The following GTF2F2 variants were observed in gnomAD, a reference collection of about 807,000 sequenced individuals.
The protein encoded by GTF2F2 is general transcription factor IIF subunit 2.
A neutral mutation model predicts 42.2 loss-of-function variants in GTF2F2; 23 were observed. That is an observed-to-expected ratio of 0.55 (90% confidence interval 0.39 to 0.77). GTF2F2 has a LOEUF of 0.77. Among genes scored for constraint, GTF2F2 ranks in the 30% least tolerant of loss-of-function variants. The pLI is 0.00. For missense variants in GTF2F2, 261 were observed against 287.2 expected, an observed-to-expected ratio of 0.91 and a Z score of 0.66; for synonymous variants, 105 against 100.8, an observed-to-expected ratio of 1.04 and a Z score of -0.25.
chr13:45,208,983 C>A (rs1386430502), intron 5 of GTF2F2, among the ~76,000 whole-genome samples: 1 of 152,206 alleles, frequency 6.6e-6, no homozygotes, highest in Non-Finnish European at 1.5e-5. Context: ...AATGCAAAAT[C>A]TGGTTACCAA....
intron 5 of GTF2F2, among the ~76,000 whole-genome samples, chr13:45,208,953 A>G (rs1230266218): frequency 6.6e-6 from 1 of 152,216 alleles, no homozygotes; most frequent in Non-Finnish European, 1.5e-5. Context: ...ATCTCTTCAT[A>G]TAACTACTGA....
intron 4 of GTF2F2, among the ~76,000 whole-genome samples, chr13:45,179,394 A>G (rs1593474065): frequency 1.3e-5 from 2 of 152,208 alleles, no homozygotes; most frequent in African/African-American, 4.8e-5. Context: ...GAGAGTAAAA[A>G]GGAGCACTAT....
At chr13:45,219,952 A>C (rs1264799016) in intron 5 of GTF2F2, among the ~76,000 whole-genome samples, 1 of 152,338 alleles carries the variant, frequency 6.6e-6, no homozygotes, top group South Asian at 2.1e-4. Flanking sequence ...GATGACATAT[A>C]TGGGCGTGGT....
At chr13:45,212,244 G>T (rs542986240) in intron 5 of GTF2F2, among the ~76,000 whole-genome samples, 22 of 152,106 alleles carry the variant, frequency 1.4e-4, no homozygotes, top group Non-Finnish European at 2.4e-4. Flanking sequence ...ATAGTTTTTA[G>T]TCATATTCAA....
intron 4 of GTF2F2, among the ~76,000 whole-genome samples, chr13:45,177,954 G>A (rs1871964825): frequency 6.6e-6 from 1 of 152,044 alleles, no homozygotes; most frequent in African/African-American, 2.4e-5. Flanking sequence ...TATTTCCTGT[G>A]AGTATATACA....
At chr13:45,265,815 G>T (rs973210320) in intron 6 of GTF2F2, among the ~76,000 whole-genome samples, 2 of 152,128 alleles carry the variant, frequency 1.3e-5, no homozygotes, top group African/African-American at 4.8e-5. Context: ...GTTTTTAAAT[G>T]TATCCCATTG....
At chr13:45,120,896 GT>G (rs1419368462) in intron 1 of GTF2F2, among the ~76,000 whole-genome samples, 175 bp downstream of exon 1, 1 of 152,192 alleles carries the variant, frequency 6.6e-6, no homozygotes, top group African/African-American at 2.4e-5. Context: ...CGAGGAATTA[GT>G]TTAGGGACGC....
At chr13:45,186,076 A>G (rs1173881971) in intron 4 of GTF2F2, among the ~76,000 whole-genome samples, 2 of 151,762 alleles carry the variant, frequency 1.3e-5, no homozygotes, top group South Asian at 2.1e-4. Flanking sequence ...CTGGGTTCAA[A>G]CGATTCTTGT....
At chr13:45,237,816 C>T (rs184290600) in intron 5 of GTF2F2, among the ~76,000 whole-genome samples, 61 of 152,310 alleles carry the variant, frequency 4.0e-4, no homozygotes, top group Middle Eastern at 3.4e-3. Context: ...AAAGATACTT[C>T]ATTTTTGCTC....
At position 45,120,510 on chromosome 13, in the gene GTF2F2, C is replaced by A; in HGVS notation, c.-146C>A. ...CTCCTGGCGGCGTGTTCCTCTTTTCCTCGGTTCCCAGTGTTCTGGCAGGTA... is the reference window on the plus strand; with the variant it reads ...CTCCTGGCGGCGTGTTCCTCTTTTCATCGGTTCCCAGTGTTCTGGCAGGTA... On this transcript the variant is annotated 5_prime_UTR_variant, in exon 1 of 8. Coordinates refer to ENST00000340473, the MANE Select transcript of GTF2F2 (RefSeq NM_004128.3). The A allele has an allele frequency of 1.6e-6, 1 of 624,244 alleles. No individual in the cohort carries two copies. The highest frequency in any genetic ancestry group is 2.9e-6 in the Non-Finnish European group (1 of 347,742). 38.7% of individuals were successfully genotyped at this position (624,244 alleles called of 1,614,324 possible). A position where few individuals can be genotyped will look rare whatever the true frequency, so the allele number is the denominator to read the frequency against.
At chr13:45,184,965 C>T (rs528100585) in intron 4 of GTF2F2, among the ~76,000 whole-genome samples, 5 of 152,226 alleles carry the variant, frequency 3.3e-5, no homozygotes, top group East Asian at 3.9e-4. Context: ...GTGTGGGCCA[C>T]CACGCCCAAC....
At chr13:45,258,792 C>T (rs978783596) in intron 6 of GTF2F2, among the ~76,000 whole-genome samples, 3 of 151,978 alleles carry the variant, frequency 2.0e-5, no homozygotes, top group Admixed American at 6.6e-5. Flanking sequence ...TACAGTAGTA[C>T]GTTTGTCCAG....
chr13:45,207,503 A>G lies in GTF2F2; in HGVS notation c.384A>G (p.Lys128=). 1 of 1,598,500 alleles carries G rather than the reference A, an allele frequency of 6.3e-7. No homozygotes were observed. Among genetic ancestry groups the G allele is most frequent in the Non-Finnish European group, 8.6e-7 (1 of 1,165,900 alleles). The change falls in exon 5 of 8, where the codon AAA becomes AAG. Residue 128 remains lysine, a splice_region_variant and synonymous_variant. Coordinates refer to ENST00000340473, the MANE Select transcript of GTF2F2 (RefSeq NM_004128.3). ...CCAGTGAAAACTACATGCGATTAAAAAGGTTGGTGTTTTGTAACTCCAGAA... is the reference window on the plus strand; with the variant it reads ...CCAGTGAAAACTACATGCGATTAAAGAGGTTGGTGTTTTGTAACTCCAGAA... ...PAASENYMRL[K]RLQIEESSKP...
At chr13:45,199,047 A>G (rs965206096) in intron 4 of GTF2F2, among the ~76,000 whole-genome samples, 2 of 152,218 alleles carry the variant, frequency 1.3e-5, no homozygotes, top group Admixed American at 6.5e-5. Context: ...CAAAAGTACT[A>G]TGGCAGCCAC....
intron 5 of GTF2F2, among the ~76,000 whole-genome samples, chr13:45,237,966 G>C (rs1279637697): frequency 6.6e-6 from 1 of 151,880 alleles, no homozygotes; most frequent in Non-Finnish European, 1.5e-5. Flanking sequence ...TTGTTTGTTT[G>C]TTTTTGAGAT....
At chr13:45,122,183 C>T (rs1003414472) in intron 1 of GTF2F2, among the ~76,000 whole-genome samples, 4 of 151,968 alleles carry the variant, frequency 2.6e-5, no homozygotes, top group African/African-American at 7.2e-5. Context: ...TATCATGAAA[C>T]GGAGATATTC....
intron 5 of GTF2F2, among the ~76,000 whole-genome samples, chr13:45,243,997 C>A (rs75241316): frequency 6.6e-6 from 1 of 152,330 alleles, no homozygotes; most frequent in East Asian, 1.9e-4. Context: ...TTTCTATCCA[C>A]AGTTGGTTGA....
chr13:45,166,340 T>A (rs1468962955), intron 4 of GTF2F2, among the ~76,000 whole-genome samples: 1 of 152,210 alleles, frequency 6.6e-6, no homozygotes, highest in African/African-American at 2.4e-5. Context: ...GGATTGCAGT[T>A]ATATAGGTTA....
At chr13:45,181,261 C>T (rs1566125609) in intron 4 of GTF2F2, among the ~76,000 whole-genome samples, 1 of 151,560 alleles carries the variant, frequency 6.6e-6, no homozygotes, top group Admixed American at 6.6e-5. Context: ...TCATATACCT[C>T]CCTCTCTTCT....
Sources: allele counts gnomAD v4.1 joint callset (sites outside exome capture counted in the v4.1 genomes callset), GRCh38; gene constraint gnomAD v4.1.1; transcripts MANE v1.5; gene names NCBI Gene and HGNC (gene_info 2026-07-23, HGNC 2026-07-21).